Variants in SCFD2 observed in about 807,000 individuals in gnomAD.
SCFD2 encodes the protein sec1 family domain-containing protein 2.
SCFD2 carries 54 observed loss-of-function variants against 58.9 expected under a neutral mutation model. The observed-to-expected ratio is 0.92, with a 90% CI of 0.74 to 1.15. The LOEUF is 1.15. Among genes scored for constraint, SCFD2 ranks in the 50% most tolerant of loss-of-function variants. SCFD2 has a pLI of 0.00. For missense variants in SCFD2, 805 were observed against 836.6 expected (o/e 0.96, Z 0.47); for synonymous variants, 321 against 335.9 (o/e 0.96, Z 0.49).
chr4:53,109,910 G>A (rs912274006), intron 5 of SCFD2, among the ~76,000 whole-genome samples: 1 of 151,926 alleles, frequency 6.6e-6, no homozygotes, highest in East Asian at 1.9e-4. Flanking sequence ...GTATAGCCAA[G>A]ACAATCCTAA....
At chr4:53,057,046 G>A (rs1483305526) in intron 5 of SCFD2, among the ~76,000 whole-genome samples, 6 of 152,092 alleles carry the variant, frequency 3.9e-5, no homozygotes, top group Admixed American at 1.3e-4. Flanking sequence ...TTAGCCAGGC[G>A]TGGTAGTGCA....
chr4:53,201,722 T>A (rs1403113985), intron 4 of SCFD2, among the ~76,000 whole-genome samples: 1 of 152,236 alleles, frequency 6.6e-6, no homozygotes, highest in African/African-American at 2.4e-5. Context: ...CCATTCTAAC[T>A]GGTGGGAGAT....
chr4:53,101,908 C>A (rs866937991), intron 5 of SCFD2, among the ~76,000 whole-genome samples: 2 of 151,888 alleles, frequency 1.3e-5, no homozygotes, highest in African/African-American at 2.4e-5. Context: ...CTTTACTACA[C>A]ATGAATTTTC....
At position 53,347,310 on chromosome 4, in the gene SCFD2, G is replaced by A. The variant is rs558453621; in HGVS notation, c.1007+5288C>T. Among the ~76,000 whole-genome samples, 8 of 152,190 alleles carry A rather than the reference G, an allele frequency of 5.3e-5. No homozygotes were observed. In the South Asian group the frequency reaches 1.7e-3, roughly 32 times the overall value. ...TCACTTCACTCACCGATCCTGCCCT[G>A]GCAGCATCCATCACCATGTGTTCAT... On this transcript the variant is annotated intron_variant, in intron 2 of 8. Coordinates refer to ENST00000401642, the MANE Select transcript of SCFD2 (RefSeq NM_152540.4).
intron 4 of SCFD2, among the ~76,000 whole-genome samples, chr4:53,211,365 C>G (rs1166280230): frequency 6.6e-6 from 1 of 152,098 alleles, no homozygotes; most frequent in African/African-American, 2.4e-5. Context: ...TCCCCCATAC[C>G]TTGCGTTACA....
chr4:53,201,704 G>C (rs1459042093), intron 4 of SCFD2, among the ~76,000 whole-genome samples: 1 of 151,976 alleles, frequency 6.6e-6, no homozygotes, highest in East Asian at 1.9e-4. Context: ...CTGACTTTTT[G>C]ATGATTGCCA....
chr4:53,278,358 TAA>T (rs771974130), intron 3 of SCFD2, among the ~76,000 whole-genome samples: 13 of 122,112 alleles, frequency 1.1e-4, no homozygotes, highest in Admixed American at 8.5e-5. Flanking sequence ...GACTCCATCT[TAA>T]AAAAAAAAAA....
chr4:53,060,021 T>C (rs999848213), intron 5 of SCFD2, among the ~76,000 whole-genome samples: 28 of 152,132 alleles, frequency 1.8e-4, no homozygotes, highest in African/African-American at 6.5e-4. Context: ...TTGGGCTCAT[T>C]GGTCCAACTT....
intron 4 of SCFD2, among the ~76,000 whole-genome samples, chr4:53,146,489 C>T (rs1484337564): frequency 6.6e-6 from 1 of 152,162 alleles, no homozygotes; most frequent in Non-Finnish European, 1.5e-5. Flanking sequence ...CAAATTAATA[C>T]AACTTGCAAC....
intron 8 of SCFD2, among the ~76,000 whole-genome samples, chr4:52,880,904 T>A (rs1718594280): frequency 6.6e-6 from 1 of 152,160 alleles, no homozygotes; most frequent in South Asian, 2.1e-4. Flanking sequence ...GGCCATGGAG[T>A]CCCACAGTAG....
intron 2 of SCFD2, among the ~76,000 whole-genome samples, chr4:53,344,883 A>C (rs1418058820): frequency 6.6e-6 from 1 of 152,228 alleles, no homozygotes; most frequent in Non-Finnish European, 1.5e-5. Flanking sequence ...TGCTGGGATA[A>C]GTGACTAGCC....
chr4:52,968,525 A>G lies in SCFD2; in HGVS notation c.1562-47655T>C, dbSNP rs147465850. The stretch of plus-strand genomic sequence containing the variant: ...GTGCATGCATGTATGTGTGTTCAGC[A>G]TTTATGTAGCCGTGGTTGGCTGACA... On this transcript the variant is annotated intron_variant, in intron 5 of 8. Coordinates refer to ENST00000401642, the MANE Select transcript of SCFD2 (RefSeq NM_152540.4). Among the ~76,000 whole-genome samples the G allele has an allele frequency of 7.2e-3, 1,089 of 152,246 alleles. 15 individuals carry two copies. The highest frequency in any genetic ancestry group is 0.025 in the African/African-American group (1,046 of 41,540).
intron 5 of SCFD2, among the ~76,000 whole-genome samples, chr4:53,024,814 C>A (rs566639366): frequency 3.9e-4 from 60 of 151,938 alleles, no homozygotes; most frequent in South Asian, 1.2e-3. Flanking sequence ...CCTGTTACCA[C>A]CTCAATCATC....
intron 4 of SCFD2, among the ~76,000 whole-genome samples, chr4:53,162,838 T>C (rs1378275167): frequency 6.7e-6 from 1 of 150,292 alleles, no homozygotes; most frequent in African/African-American, 2.4e-5. Flanking sequence ...ACCCTAAAAC[T>C]TAAAGTATAA....
At chr4:52,979,372 T>A (rs1292485280) in intron 5 of SCFD2, among the ~76,000 whole-genome samples, 1 of 152,148 alleles carries the variant, frequency 6.6e-6, no homozygotes, top group Non-Finnish European at 1.5e-5. Context: ...CATTAAAAGT[T>A]CACACTTACA....
At chr4:53,011,607 G>A (rs548420595) in intron 5 of SCFD2, among the ~76,000 whole-genome samples, 42 of 152,300 alleles carry the variant, frequency 2.8e-4, no homozygotes, top group East Asian at 1.3e-3. Context: ...CAGCAAAGCC[G>A]ATTTCACCTA....
At chr4:53,030,106 CAT>C (rs1408711202) in intron 5 of SCFD2, among the ~76,000 whole-genome samples, 1 of 151,904 alleles carries the variant, frequency 6.6e-6, no homozygotes, top group Admixed American at 6.6e-5. Flanking sequence ...ATCTAGAAAA[CAT>C]AAAGAACTCT....
At chr4:53,254,624 C>G (rs1730527608) in intron 4 of SCFD2, among the ~76,000 whole-genome samples, 1 of 151,548 alleles carries the variant, frequency 6.6e-6, no homozygotes, top group Non-Finnish European at 1.5e-5. Context: ...CAGGCTTGAG[C>G]CACTGCACCT....
At chr4:52,923,765 G>A (rs1193350975) in intron 5 of SCFD2, among the ~76,000 whole-genome samples, 2 of 152,154 alleles carry the variant, frequency 1.3e-5, no homozygotes, top group Admixed American at 1.3e-4. Context: ...AGAGCCACAG[G>A]TACAGAGCAT....
Sources: gnomAD v4.1 joint callset for allele counts (sites outside exome capture counted in the v4.1 genomes callset) on GRCh38, gnomAD v4.1.1 for gene constraint, MANE v1.5 for transcripts, NCBI Gene and HGNC (gene_info 2026-07-23, HGNC 2026-07-21) for gene names.